The following NFIL3 variants were observed in gnomAD, a reference collection of about 807,000 sequenced individuals.
The protein encoded by NFIL3 is nuclear factor interleukin-3-regulated protein.
NFIL3 carries 5 observed loss-of-function variants against 10.0 expected under a neutral mutation model. The ratio of observed to expected loss-of-function variants is 0.50; its 90% confidence interval spans 0.26 to 1.06. NFIL3 has a LOEUF of 1.06. Among genes scored for constraint, NFIL3 ranks in the 50% least tolerant of loss-of-function variants. The probability of loss-of-function intolerance (pLI) is 0.13; values close to 1 mark genes in which losing one functional copy is unlikely to be tolerated. For synonymous variants in NFIL3, 202 were observed against 206.5 expected (o/e 0.98, Z 0.19); for missense variants, 436 against 547.6 (o/e 0.80, Z 2.03).
chr9:91,422,324 G>A (rs2118039362), intron 1 of NFIL3, among the ~76,000 whole-genome samples: 1 of 152,312 alleles, frequency 6.6e-6, no homozygotes, highest in African/African-American at 2.4e-5. Flanking sequence ...AAATAGCACT[G>A]CGAGGCCACA....
rs1833486197 is a variant in NFIL3, at chr9:91,409,117, G to A, written c.*229C>T. ...TTTATAATAGAACAACAAAAATAATGTTCAATATATACAGCCTTCGCATGG... is the reference window on the plus strand; with the variant it reads ...TTTATAATAGAACAACAAAAATAATATTCAATATATACAGCCTTCGCATGG... On this transcript the variant is annotated 3_prime_UTR_variant, in exon 2 of 2. Transcript: ENST00000297689. 3 of 437,962 alleles carry A rather than the reference G, an allele frequency of 6.8e-6. No individual in the cohort carries two copies. Among genetic ancestry groups the A allele is most frequent in the African/African-American group, 6.0e-5 (3 of 50,018 alleles). The allele number at this position is 437,962 out of a possible 1,614,324, so 27.1% of individuals were successfully genotyped here.
Position 91,418,536 on chromosome 9 carries a change from T to C in NFIL3, c.-173+5104A>G, listed in dbSNP as rs1334616643. ...GCTTCACTTGGCTTTTTAATTTCTT[T>C]TTCCACTTTTCCAGTCAGTGGATGA... is the stretch of plus-strand genomic sequence containing the variant. On this transcript the variant is annotated intron_variant, in intron 1 of 1. Coordinates refer to ENST00000297689, the MANE Select transcript of NFIL3 (RefSeq NM_005384.3). 5.9e-5 allele frequency among the ~76,000 whole-genome samples: 9 copies of C among 152,374 alleles called. No homozygotes were observed. The South Asian group carries it at 1.2e-3, about 21-fold the overall frequency.
At chr9:91,427,509 G>A (rs528874553), upstream of NFIL3, among the ~76,000 whole-genome samples, 11 of 152,314 alleles carry the variant, frequency 7.2e-5, no homozygotes, top group African/African-American at 2.6e-4. Context: ...GGGCTCCTGT[G>A]TGCCAGGACC....
chr9:91,449,956 G>A, the NFIL3 span, among the ~76,000 whole-genome samples: 1 of 151,958 alleles, frequency 6.6e-6, no homozygotes, highest in Admixed American at 6.6e-5. Context: ...CTAAAAGTTT[G>A]TCCATTTCAC....
rs763056421 is a variant in NFIL3, at chr9:91,409,617, A to G, written c.1118T>C (p.Met373Thr). The stretch of plus-strand genomic sequence containing the variant: ...GAAAGGAGTAAGAGAAGAATGTACC[A>G]TACTTGGGGCACTATGCTTTTCGAG... ...FELEKHSAPS[M>T]VHSSLTPFSV... The change falls in exon 2 of 2, where the codon ATG (methionine) becomes ACG (threonine). Residue 373 changes from methionine (M) to threonine (T), a missense_variant. Met to Thr is a moderately conservative substitution (Grantham distance 81). Coordinates refer to ENST00000297689, the MANE Select transcript of NFIL3 (RefSeq NM_005384.3). The G allele has an allele frequency of 6.2e-6, 10 of 1,614,208 alleles. No homozygotes were observed.
At chr9:91,475,899 T>C in the NFIL3 span, among the ~76,000 whole-genome samples, 5 of 152,184 alleles carry the variant, frequency 3.3e-5, no homozygotes, top group Non-Finnish European at 5.9e-5. Context: ...TGGAGCAAAA[T>C]CAAAGGTAGT....
At chr9:91,424,332 TGCGGGTTGCGGCTAC>T (rs886121953), upstream of NFIL3, among the ~76,000 whole-genome samples, 2 of 151,892 alleles carry the variant, frequency 1.3e-5, no homozygotes, top group African/African-American at 4.8e-5. Flanking sequence ...GACTGAGCAC[TGCGGGTTGCGGCTAC>T]CCGGGCGTGG....
chr9:91,466,447 A>G, the NFIL3 span, among the ~76,000 whole-genome samples: 2 of 152,148 alleles, frequency 1.3e-5, no homozygotes, highest in Non-Finnish European at 2.9e-5. Context: ...GAGAACTGCA[A>G]TTGTTATGAG....
At chr9:91,443,502 G>C in the NFIL3 span, among the ~76,000 whole-genome samples, 2 of 152,242 alleles carry the variant, frequency 1.3e-5, no homozygotes, top group Admixed American at 1.3e-4. Flanking sequence ...CCTCCCACTT[G>C]TGCTGGTCAG....
the NFIL3 span, among the ~76,000 whole-genome samples, chr9:91,474,313 T>C: frequency 2.6e-5 from 4 of 152,306 alleles, no homozygotes; most frequent in South Asian, 8.3e-4. Context: ...TCATAGTATG[T>C]AATTCTTTTT....
chr9:91,457,387 GTTAT>G, the NFIL3 span, among the ~76,000 whole-genome samples: 1 of 151,848 alleles, frequency 6.6e-6, no homozygotes, highest in Non-Finnish European at 1.5e-5. Context: ...TGTTATCGCT[GTTAT>G]TTATTTATTT....
the NFIL3 span, among the ~76,000 whole-genome samples, chr9:91,456,608 A>T: frequency 1.3e-3 from 204 of 152,210 alleles, 1 homozygote; most frequent in Non-Finnish European, 2.6e-3. Flanking sequence ...TGACTTTATC[A>T]GATTGACGGT....
At chr9:91,436,751 G>A in the NFIL3 span, among the ~76,000 whole-genome samples, 2 of 152,172 alleles carry the variant, frequency 1.3e-5, no homozygotes, top group South Asian at 2.1e-4. Context: ...TCTGATTGGA[G>A]ACAGGCTCTA....
the NFIL3 span, among the ~76,000 whole-genome samples, chr9:91,467,502 A>G: frequency 6.6e-6 from 1 of 152,110 alleles, no homozygotes; most frequent in African/African-American, 2.4e-5. Context: ...CTTATTAGTT[A>G]CAACAGGGTT....
At chr9:91,459,931 A>G in the NFIL3 span, among the ~76,000 whole-genome samples, 668 of 152,302 alleles carry the variant, frequency 4.4e-3, 7 homozygotes, top group African/African-American at 0.015. Flanking sequence ...ACTGACAAAG[A>G]GCCCTTTTTA....
At chr9:91,473,600 A>G in the NFIL3 span, among the ~76,000 whole-genome samples, 2 of 152,226 alleles carry the variant, frequency 1.3e-5, no homozygotes, top group African/African-American at 4.8e-5. Context: ...CCAGTTTTCC[A>G]GGTACTGTCT....
chr9:91,411,334 T>C (rs80064239), intron 1 of NFIL3, among the ~76,000 whole-genome samples: 2,440 of 152,294 alleles, frequency 0.016, 59 homozygotes, highest in East Asian at 0.063. Flanking sequence ...TGTTACCTAA[T>C]ATTTACATCA....
At chr9:91,426,486 A>G (rs1012081136), upstream of NFIL3, 1 of 152,238 alleles carries the variant, frequency 6.6e-6, no homozygotes, top group Admixed American at 6.5e-5. Flanking sequence ...GCTTCTAGGA[A>G]GACATCAGCA....
chr9:91,466,624 G>T, the NFIL3 span, among the ~76,000 whole-genome samples: 2 of 152,132 alleles, frequency 1.3e-5, no homozygotes, highest in African/African-American at 4.8e-5. Flanking sequence ...TCAAGGAAAA[G>T]AGTAAACATC....
Sources: allele counts gnomAD v4.1 joint callset (sites outside exome capture counted in the v4.1 genomes callset), GRCh38; gene constraint gnomAD v4.1.1; transcripts MANE v1.5; gene names NCBI Gene and HGNC (gene_info 2026-07-23, HGNC 2026-07-21).